The following TLR7 variants were observed in gnomAD, a reference collection of about 807,000 sequenced individuals.
TLR7 encodes the protein toll like receptor 7.
Under a neutral mutation model 38.3 loss-of-function variants are expected in TLR7, and 12 were observed. That is an observed-to-expected ratio of 0.31 (90% CI 0.20 to 0.51). The LOEUF is 0.51. Ranked by LOEUF, TLR7 falls within the 20% of genes least tolerant of loss-of-function variation. The probability of loss-of-function intolerance (pLI) is 0.98; values close to 1 mark genes in which losing one functional copy is unlikely to be tolerated. For synonymous variants in TLR7, 285 were observed against 293.8 expected, an observed-to-expected ratio of 0.97 and a Z score of 0.31; for missense variants, 504 against 743.4, an observed-to-expected ratio of 0.68 and a Z score of 3.74.
In TLR7 at chrX:12,888,609, C is replaced by T; in HGVS notation, c.3101C>T (p.Ala1034Val). Residue 1034 changes from alanine (A) to valine (V), a missense_variant, in exon 3 of 3, where the codon GCC (alanine) becomes GTC (valine). Coordinates refer to ENST00000380659, the MANE Select transcript of TLR7 (RefSeq NM_016562.4). ...YFWQCLKNAL[A>V]TDNHVAYSQV... ...TGGCAGTGTCTAAAGAACGCCCTGG[C>T]CACAGACAATCATGTGGCCTATAGT... 8.3e-7 allele frequency: 1 copy of T among 1,211,072 alleles called. No homozygotes were observed. Among genetic ancestry groups the T allele is most frequent in the Non-Finnish European group, 1.1e-6 (1 of 895,243 alleles).
chrX:12,888,069 T>A lies in TLR7; in HGVS notation c.2561T>A (p.Met854Lys). The A allele has an allele frequency of 8.3e-7, 1 of 1,211,512 alleles. No homozygotes were observed. Among genetic ancestry groups the A allele is most frequent in the Non-Finnish European group, 1.1e-6 (1 of 895,125 alleles). Residue 854 changes from methionine (M) to lysine (K), a missense_variant, in exon 3 of 3, where the codon ATG (methionine) becomes AAG (lysine). Met to Lys is a moderately conservative substitution (Grantham distance 95, BLOSUM62 -1). Coordinates refer to ENST00000380659, the MANE Select transcript of TLR7 (RefSeq NM_016562.4). ...SLSISVSLFL[M>K]VMMTASHLYF... is the part of the protein sequence containing the mutation. The stretch of plus-strand genomic sequence containing the variant: ...TCCATATCTGTATCTCTCTTTCTCA[T>A]GGTGATGATGACAGCAAGTCACCTC...
At chrX:12,885,150 G>A (rs1390235966) in intron 2 of TLR7, among the ~76,000 whole-genome samples, 1 of 112,387 alleles carries the variant, frequency 8.9e-6, no homozygotes, top group Admixed American at 9.4e-5. Context: ...TATTTTTCAT[G>A]GGTGTATCCA....
Position 12,887,071 on chromosome X carries a change from C to A in TLR7, c.1563C>A (p.Cys521Ter). The change falls in exon 3 of 3, where the codon TGC becomes TGA. Residue 521 changes from cysteine to a stop codon, truncating the protein, a stop_gained. Transcript: ENST00000380659. LOFTEE classifies it high-confidence loss of function. The stretch of plus-strand genomic sequence containing the variant: ...TTCAGCATCTTTCTTTCCTCAAATG[C>A]CTGAATCTGTCAGGAAATCTCATTA... ...SDFQHLSFLK[C>*]LNLSGNLISQ... 1 of 1,210,707 alleles carries A rather than the reference C, an allele frequency of 8.3e-7. No homozygotes were observed. Among genetic ancestry groups the A allele is most frequent in the Non-Finnish European group, 1.1e-6 (1 of 895,094 alleles).
chrX:12,870,992 C>G lies in TLR7; in HGVS notation c.3+3411C>G, dbSNP rs756505653. The stretch of plus-strand genomic sequence containing the variant: ...TTGAGAGCCCTATGGTCTTTGGTGA[C>G]TGTTGTGATGCATAATAGCTGTTGA... On this transcript the variant is annotated intron_variant, in intron 2 of 2. Transcript: ENST00000380659. Among the ~76,000 whole-genome samples, 152 of 111,964 alleles carry G rather than the reference C, an allele frequency of 1.4e-3. 4 individuals are homozygous for G. The highest frequency in any genetic ancestry group is 3.2e-4 in the Non-Finnish European group (17 of 53,219).
intron 2 of TLR7, among the ~76,000 whole-genome samples, chrX:12,871,966 G>C (rs2042854649): frequency 8.9e-6 from 1 of 111,908 alleles, no homozygotes; most frequent in African/African-American, 3.2e-5. Flanking sequence ...ATATATAATA[G>C]ACTGGCAGGG....
At chrX:12,876,550 A>G (rs2042871469) in intron 2 of TLR7, among the ~76,000 whole-genome samples, 1 of 111,878 alleles carries the variant, frequency 8.9e-6, no homozygotes, top group South Asian at 3.7e-4. Context: ...TTTCAACTTC[A>G]GTGTGAGGGA....
At chrX:12,885,389 T>C in intron 2 of TLR7, 123 bp from the exon 3 acceptor site, 1 of 648,911 alleles carries the variant, frequency 1.5e-6, no homozygotes, top group South Asian at 3.0e-5. Context: ...TTTAGACAGC[T>C]GAAAATAAGA....
chrX:12,871,053 T>C (rs1245029667), intron 2 of TLR7, among the ~76,000 whole-genome samples: 1 of 112,112 alleles, frequency 8.9e-6, no homozygotes, highest in East Asian at 2.8e-4. Context: ...TATATCCTTT[T>C]ATTCTTTTAG....
chrX:12,871,218 A>C (rs971507782), intron 2 of TLR7, among the ~76,000 whole-genome samples: 1 of 112,168 alleles, frequency 8.9e-6, no homozygotes, highest in Non-Finnish European at 1.9e-5. Context: ...TACAGAGATT[A>C]AACTAAAATT....
intron 2 of TLR7, among the ~76,000 whole-genome samples, chrX:12,877,140 C>A (rs1396460989): frequency 9.0e-6 from 1 of 111,724 alleles, no homozygotes; most frequent in Non-Finnish European, 1.9e-5. Flanking sequence ...GAATATTTCA[C>A]ACTTTTAAGT....
At position 12,886,898 on chromosome X, in the gene TLR7, C is replaced by CATT; in HGVS notation, c.1394_1396dup (p.Tyr465dup). 2.5e-6 allele frequency: 3 copies of CATT among 1,207,129 alleles called. No homozygotes were observed. Among genetic ancestry groups the CATT allele is most frequent in the Non-Finnish European group, 3.4e-6 (3 of 892,766 alleles). Reference sequence around the variant, plus strand: ...TGAACCCCAGGTCCTGGAACAATTACATTATTTCAGATATGATAAGTATGC... The same window carrying CATT: ...TGAACCCCAGGTCCTGGAACAATTACATTATTATTTCAGATATGATAAGTATGC... On this transcript the variant is annotated inframe_insertion, in exon 3 of 3. Transcript: ENST00000380659.
intron 2 of TLR7, among the ~76,000 whole-genome samples, chrX:12,868,942 A>G (rs1375907917): frequency 8.9e-6 from 1 of 112,180 alleles, no homozygotes; most frequent in Non-Finnish European, 1.9e-5. Flanking sequence ...GAATGATAGT[A>G]ATACAGAGAG....
rs1422109099 is a variant in TLR7, at chrX:12,888,203, A to G, written c.2695A>G (p.Thr899Ala). The change falls in exon 3 of 3, where the codon ACT becomes GCT. Residue 899 changes from threonine to alanine, a missense_variant. Thr to Ala is a moderately conservative substitution (Grantham distance 58). Coordinates refer to ENST00000380659, the MANE Select transcript of TLR7 (RefSeq NM_016562.4). ...CTATGATGCTTTTATTGTGTATGAC[A>G]CTAAAGACCCAGCTGTGACCGAGTG... ...CCYDAFIVYD[T>A]KDPAVTEWVL... The G allele has an allele frequency of 4.1e-6, 5 of 1,210,053 alleles. No homozygotes were observed. In the African/African-American group the frequency reaches 8.8e-5, roughly 21 times the overall value.
At chrX:12,880,209 A>G (rs1023679257) in intron 2 of TLR7, among the ~76,000 whole-genome samples, 1 of 112,224 alleles carries the variant, frequency 8.9e-6, no homozygotes, top group African/African-American at 3.2e-5. Context: ...GATACATATT[A>G]GAATTCTAAT....
rs761246783 is a variant in TLR7, at chrX:12,868,278, T to C, written c.3+697T>C. ...GAAGACAGGCCAGGGTGATCAGACC[T>C]CACCTGTGGATGGTGGGAGATGAGG... is the stretch of plus-strand genomic sequence containing the variant. On this transcript the variant is annotated intron_variant, in intron 2 of 2. Transcript: ENST00000380659. 1.2e-4 allele frequency among the ~76,000 whole-genome samples: 13 copies of C among 111,832 alleles called. No individual in the cohort carries two copies. In the South Asian group the frequency reaches 4.9e-3, roughly 42 times the overall value.
At chrX:12,873,703 G>A (rs1345011869) in intron 2 of TLR7, among the ~76,000 whole-genome samples, 2 of 111,876 alleles carry the variant, frequency 1.8e-5, no homozygotes, top group African/African-American at 6.5e-5. Context: ...GCTATTAAAG[G>A]TTTCTTGTGT....
At chrX:12,877,921 A>G (rs2042878524) in intron 2 of TLR7, among the ~76,000 whole-genome samples, 1 of 111,971 alleles carries the variant, frequency 8.9e-6, no homozygotes, top group Admixed American at 9.5e-5. Context: ...GGATTTTAAG[A>G]AAGTTCAAAG....
At position 12,887,166 on chromosome X, in the gene TLR7, G is replaced by A; in HGVS notation, c.1658G>A (p.Arg553Gln). 1 of 1,211,568 alleles carries A rather than the reference G, an allele frequency of 8.3e-7. No homozygotes were observed. ...ELRYLDFSNN[R>Q]LDLLHSTAFE... The stretch of plus-strand genomic sequence containing the variant: ...AGATATTTGGACTTCTCCAACAACC[G>A]GCTTGATTTACTCCATTCAACAGCA... The change falls in exon 3 of 3, where the codon CGG (arginine) becomes CAG (glutamine). Residue 553 changes from arginine (R) to glutamine (Q), a missense_variant. Coordinates refer to ENST00000380659, the MANE Select transcript of TLR7 (RefSeq NM_016562.4).
chrX:12,875,871 G>A (rs1344520608), intron 2 of TLR7, among the ~76,000 whole-genome samples: 2 of 111,682 alleles, frequency 1.8e-5, no homozygotes, highest in Non-Finnish European at 3.8e-5. Flanking sequence ...AATGGACATT[G>A]GATGCAATTC....
Sources: gnomAD v4.1 joint callset for allele counts (sites outside exome capture counted in the v4.1 genomes callset) on GRCh38, gnomAD v4.1.1 for gene constraint, MANE v1.5 for transcripts, NCBI Gene and HGNC (gene_info 2026-07-23, HGNC 2026-07-21) for gene names.